The following BLZF1 variants were observed in gnomAD, a reference collection of about 807,000 sequenced individuals.
BLZF1 encodes the protein basic leucine zipper nuclear factor 1.
Under a neutral mutation model 43.8 loss-of-function variants are expected in BLZF1, and 39 were observed. The ratio of observed to expected loss-of-function variants is 0.89; its 90% CI spans 0.69 to 1.16. The LOEUF (loss-of-function observed/expected upper bound fraction) is 1.16. Ranked by LOEUF, BLZF1 falls within the 50% of genes most tolerant of loss-of-function variation. The pLI is 0.00. For synonymous variants in BLZF1, 136 were observed against 159.4 expected (o/e 0.85, Z 1.11); for missense variants, 449 against 469.8 (o/e 0.96, Z 0.41).
intron 6 of BLZF1, among the ~76,000 whole-genome samples, chr1:169,384,629 A>G (rs548124577): frequency 6.6e-6 from 1 of 152,256 alleles, no homozygotes; most frequent in African/African-American, 2.4e-5. Context: ...CACATAGGCC[A>G]TTGTATCTCA....
intron 2 of BLZF1, among the ~76,000 whole-genome samples, chr1:169,375,702 A>G (rs769829864): frequency 4.6e-5 from 7 of 151,240 alleles, no homozygotes; most frequent in Non-Finnish European, 8.8e-5. Flanking sequence ...GCCCGTGACC[A>G]CTCAGAGTTC....
chr1:169,376,793 C>T lies in BLZF1; in HGVS notation c.282C>T (p.Asn94=), dbSNP rs755821213. The change falls in exon 3 of 7, where the codon AAC becomes AAT. Residue 94 remains asparagine (N), a synonymous_variant. Coordinates refer to ENST00000367808, the MANE Select transcript of BLZF1 (RefSeq NM_001320973.2). ...CTGCTATAACTCATGATATCCCCAACAAAAATACAAAGGTTAAGTCTCTGG... is the reference window on the plus strand; with the variant it reads ...CTGCTATAACTCATGATATCCCCAATAAAAATACAAAGGTTAAGTCTCTGG... ...PKAAITHDIP[N]KNTKVKSLGH... is the part of the protein sequence containing the mutation. 6.2e-7 allele frequency: 1 copy of T among 1,613,298 alleles called. No individual in the cohort carries two copies. The highest frequency in any genetic ancestry group is 8.5e-7 in the Non-Finnish European group (1 of 1,179,568).
chr1:169,380,397 G>C, intron 4 of BLZF1, 84 bp from the exon 5 acceptor site: 1 of 1,263,458 alleles, frequency 7.9e-7, no homozygotes, highest in Middle Eastern at 2.0e-4. Context: ...GCTTCTGAAA[G>C]TGACAGTCAC....
chr1:169,377,121 T>G (rs1431008629), intron 3 of BLZF1, 142 bp downstream of exon 3: 1 of 698,750 alleles, frequency 1.4e-6, no homozygotes, highest in African/African-American at 1.8e-5. Flanking sequence ...CCTCTTAAAT[T>G]TCTCATTCTT....
At chr1:169,381,638 G>A (rs1345659522) in intron 5 of BLZF1, among the ~76,000 whole-genome samples, 1 of 152,110 alleles carries the variant, frequency 6.6e-6, no homozygotes, top group Non-Finnish European at 1.5e-5. Flanking sequence ...CAGAATTTCA[G>A]TGAATCAAGT....
rs1158891566 is a variant in BLZF1, at chr1:169,387,464, G to T, written c.*282G>T. 2 of 244,912 alleles carry T rather than the reference G, an allele frequency of 8.2e-6. No homozygotes were observed. The highest frequency in any genetic ancestry group is 7.6e-6 in the Non-Finnish European group (1 of 130,974). 15.2% of individuals were successfully genotyped at this position (244,912 alleles called of 1,614,324 possible). ...AAAGACTCTAAAAGAAAAAGATTCTGTAACTCTCTTTTAGCACCAAATTAT... is the reference window on the plus strand; with the variant it reads ...AAAGACTCTAAAAGAAAAAGATTCTTTAACTCTCTTTTAGCACCAAATTAT... On this transcript the variant is annotated 3_prime_UTR_variant, in exon 7 of 7. Transcript: ENST00000367808.
At chr1:169,391,284 G>A (rs1009857672), downstream of BLZF1, among the ~76,000 whole-genome samples, 5 of 152,166 alleles carry the variant, frequency 3.3e-5, no homozygotes, top group East Asian at 5.8e-4. Flanking sequence ...GAGTTCGTCC[G>A]CTCCTGATCT....
Position 169,382,078 on chromosome 1 carries a change from T to A in BLZF1, c.814T>A (p.Leu272Ile). ...TCTATGCAGATTATTGGAGGAGCTC[T>A]TAGTTTCCTTGCAATGGGGAAGAGA... ...IATQKLLEEL[L>I]VSLQWGREQT... Residue 272 changes from leucine (L) to isoleucine (I), a missense_variant, in exon 6 of 7, where the codon TTA becomes ATA. By Grantham distance (5) the Leu-to-Ile change is conservative. Coordinates refer to ENST00000367808, the MANE Select transcript of BLZF1 (RefSeq NM_001320973.2). 1.9e-6 allele frequency: 3 copies of A among 1,613,500 alleles called. No individual in the cohort carries two copies. Among genetic ancestry groups the A allele is most frequent in the Non-Finnish European group, 2.5e-6 (3 of 1,179,540 alleles).
Position 169,369,510 on chromosome 1 carries a change from T to G in BLZF1, c.-13T>G. On this transcript the variant is annotated 5_prime_UTR_variant, in exon 2 of 7. Transcript: ENST00000367808. Reference sequence around the variant, plus strand: ...AAGTCTTGGAGTGCATTTTCAGTGGTTAAGGTGAAAAAATGACTACTAAAA... The same window carrying G: ...AAGTCTTGGAGTGCATTTTCAGTGGGTAAGGTGAAAAAATGACTACTAAAA... The G allele has an allele frequency of 6.2e-7, 1 of 1,609,156 alleles. No homozygotes were observed. Among genetic ancestry groups the G allele is most frequent in the Middle Eastern group, 1.7e-4 (1 of 6,016 alleles).
rs1654718932 is a variant in BLZF1 at position 169,387,892 on chromosome 1, A to G, written c.*710A>G. ...TTTTATGCAGGGGATTCTGTATTCC[A>G]AATGGATACAATCCGACATATATAA... On this transcript the variant is annotated 3_prime_UTR_variant, in exon 7 of 7. Transcript: ENST00000367808. The G allele has an allele frequency of 6.6e-6, 1 of 152,226 alleles. No homozygotes were observed. Among genetic ancestry groups the G allele is most frequent in the Non-Finnish European group, 1.5e-5 (1 of 68,032 alleles). 9.4% of individuals were successfully genotyped at this position (152,226 alleles called of 1,614,324 possible). A position where few individuals can be genotyped will look rare whatever the true frequency, so the allele number is the denominator to read the frequency against.
intron 4 of BLZF1, among the ~76,000 whole-genome samples, chr1:169,380,085 T>G (rs12027242): frequency 0.53 from 80,438 of 151,088 alleles, 22,181 homozygotes; most frequent in Non-Finnish European, 0.6. Flanking sequence ...TTAATATTTT[T>G]CTGGGGGCAA....
At chr1:169,375,391 A>AACAT (rs1194019776) in intron 2 of BLZF1, among the ~76,000 whole-genome samples, 17 of 51,844 alleles carry the variant, frequency 3.3e-4, no homozygotes, top group South Asian at 9.2e-4. Flanking sequence ...ATATATATAA[A>AACAT]ACATATATAT....
intron 5 of BLZF1, among the ~76,000 whole-genome samples, 200 bp from the exon 6 acceptor site, chr1:169,381,862 A>G (rs1188363857): frequency 6.6e-6 from 1 of 152,220 alleles, no homozygotes; most frequent in African/African-American, 2.4e-5. Flanking sequence ...TTTTCATACA[A>G]CAACCTAGTA....
chr1:169,382,646 T>G (rs1654559242), intron 6 of BLZF1, among the ~76,000 whole-genome samples: 1 of 152,220 alleles, frequency 6.6e-6, no homozygotes, highest in African/African-American at 2.4e-5. Flanking sequence ...AGAAATTACT[T>G]AATTTCCACA....
chr1:169,378,749 C>G (rs1468588339), intron 4 of BLZF1, among the ~76,000 whole-genome samples: 1 of 151,864 alleles, frequency 6.6e-6, no homozygotes, highest in East Asian at 1.9e-4. Flanking sequence ...TTCTAGTTTA[C>G]TGTATAGTAA....
At chr1:169,389,078 C>A (rs140160367), downstream of BLZF1, among the ~76,000 whole-genome samples, 1 of 151,850 alleles carries the variant, frequency 6.6e-6, no homozygotes, top group African/African-American at 2.4e-5. Flanking sequence ...GCCGAGATCG[C>A]GCCGCTGCAC....
In BLZF1 at chr1:169,376,642, A is replaced by C; in HGVS notation, c.131A>C (p.His44Pro). Reference sequence around the variant, plus strand: ...ACCTCCGGAGTCCAATCTAGAAAGCATCATAGTCTTCAGAGTCCATGGAAG... The same window carrying C: ...ACCTCCGGAGTCCAATCTAGAAAGCCTCATAGTCTTCAGAGTCCATGGAAG... ...EVTSGVQSRK[H>P]HSLQSPWKKA... The change falls in exon 3 of 7, where the codon CAT becomes CCT. Residue 44 changes from histidine (H) to proline (P), a missense_variant. Physicochemically the swap from His to Pro is moderately conservative, Grantham distance 77 (BLOSUM62 -2). Transcript: ENST00000367808. 6.2e-7 allele frequency: 1 copy of C among 1,613,386 alleles called. No individual in the cohort carries two copies. The highest frequency in any genetic ancestry group is 1.3e-5 in the African/African-American group (1 of 74,988).
In BLZF1 at chr1:169,393,563, TG is replaced by T. The variant is rs1401261183; in HGVS notation, c.*28-2328del. Among the ~76,000 whole-genome samples, 9 of 146,704 alleles carry T rather than the reference TG, an allele frequency of 6.1e-5. No homozygotes were observed. In the East Asian group the frequency reaches 1.3e-3, roughly 22 times the overall value. The stretch of plus-strand genomic sequence containing the variant: ...TGAGATGTGCCACGGCACTCCAGCC[TG>T]GGAGACTGTGAGACTGTCTAAGGGA... On this transcript the variant is annotated intron_variant, in intron 7 of 7. Transcript: ENST00000329281.
At position 169,383,627 on chromosome 1, in the gene BLZF1, A is replaced by G. The variant is rs2037249; in HGVS notation, c.1017+1346A>G. Reference sequence around the variant, plus strand: ...AAAGGTCATGAACATTTACTATCATATTATACTGTATCGAGCATTCCTTCC... The same window carrying G: ...AAAGGTCATGAACATTTACTATCATGTTATACTGTATCGAGCATTCCTTCC... On this transcript the variant is annotated intron_variant, in intron 6 of 6. Transcript: ENST00000367808. 0.058 allele frequency among the ~76,000 whole-genome samples: 8,808 copies of G among 152,212 alleles called. 1,398 individuals carry two copies. The East Asian group carries it at 0.67, about 11-fold the overall frequency.
Sources: allele counts gnomAD v4.1 joint callset (sites outside exome capture counted in the v4.1 genomes callset), GRCh38; gene constraint gnomAD v4.1.1; transcripts MANE v1.5; gene names NCBI Gene and HGNC (gene_info 2026-07-23, HGNC 2026-07-21).